The following TMEM273 variants were observed in gnomAD, a reference collection of about 807,000 sequenced individuals.
TMEM273 encodes the protein transmembrane protein 273, also known as chromosome 10 open reading frame 128.
TMEM273 carries 19 observed loss-of-function variants against 17.9 expected under a neutral mutation model. That is an observed-to-expected ratio of 1.06 (90% CI 0.74 to 1.55). The LOEUF (loss-of-function observed/expected upper bound fraction) is 1.55, where lower values mean the gene tolerates loss of function less well. TMEM273 is among the 40% of genes most tolerant of loss of function. TMEM273 has a pLI of 0.00. For synonymous variants in TMEM273, 66 were observed against 62.0 expected (o/e 1.07, Z -0.31); for missense variants, 194 against 155.6 (o/e 1.25, Z -1.31).
chr10:49,172,455 T>C (rs1291442831), intron 1 of TMEM273, among the ~76,000 whole-genome samples: 1 of 152,128 alleles, frequency 6.6e-6, no homozygotes. Flanking sequence ...CTTCCTCTCC[T>C]GACTAGCACC....
At chr10:49,184,952 C>A (rs868715248) in intron 1 of TMEM273, among the ~76,000 whole-genome samples, 1 of 152,328 alleles carries the variant, frequency 6.6e-6, no homozygotes, top group South Asian at 2.1e-4. Flanking sequence ...ATTATCAGAA[C>A]GGGTAGATAA....
chr10:49,161,296 A>G (rs894438894), intron 6 of TMEM273: 2 of 460,342 alleles, frequency 4.3e-6, no homozygotes, highest in Non-Finnish European at 7.8e-6. Flanking sequence ...ATTGGACACT[A>G]TCATAGGATA....
At chr10:49,187,345 C>T (rs959805168) in intron 1 of TMEM273, among the ~76,000 whole-genome samples, 42 of 152,208 alleles carry the variant, frequency 2.8e-4, no homozygotes, top group Admixed American at 2.7e-3. Context: ...TTAGTGCAGA[C>T]TTTAGATGGA....
Position 49,166,935 on chromosome 10 carries a change from T to C in TMEM273, c.172A>G (p.Met58Val), listed in dbSNP as rs200899952. 1.0e-4 allele frequency: 162 copies of C among 1,613,978 alleles called. No individual in the cohort carries two copies. Among genetic ancestry groups the C allele is most frequent in the South Asian group, 6.6e-5 (6 of 91,080 alleles). ...TCGTCAAATAAGTGCCTCCTGATCA[T>C]GCAGATCTTCAGGGCCAGGAAGCCA... is the stretch of plus-strand genomic sequence containing the variant. ...SAGFLALKIC[M>V]IRRHLFDDDS... The change falls in exon 3 of 7, where the codon ATG (methionine) becomes GTG (valine). Residue 58 changes from methionine to valine, a missense_variant. Transcript: ENST00000374153.
At chr10:49,156,135 A>G in intron 6 of TMEM273, 2 of 1,533,908 alleles carry the variant, frequency 1.3e-6, no homozygotes, top group South Asian at 1.2e-5. Context: ...TGCCAAACCC[A>G]AGGCAAACAA....
intron 1 of TMEM273, among the ~76,000 whole-genome samples, chr10:49,184,979 T>C (rs1041724384): frequency 2.0e-5 from 3 of 152,224 alleles, no homozygotes; most frequent in African/African-American, 4.8e-5. Context: ...GTGTTCAGTA[T>C]GCTATGGCGG....
At chr10:49,174,247 T>A (rs1357329033) in intron 1 of TMEM273, among the ~76,000 whole-genome samples, 1 of 152,224 alleles carries the variant, frequency 6.6e-6, no homozygotes, top group Non-Finnish European at 1.5e-5. Flanking sequence ...TGGCGGGCCC[T>A]GCCCCTGCCC....
At chr10:49,166,116 C>T (rs562772003) in intron 3 of TMEM273, among the ~76,000 whole-genome samples, 1 of 152,312 alleles carries the variant, frequency 6.6e-6, no homozygotes, top group African/African-American at 2.4e-5. Flanking sequence ...ATCATAATCA[C>T]GTCTTCCAGG....
chr10:49,156,353 C>G (rs1344746904), intron 6 of TMEM273: 9 of 1,137,928 alleles, frequency 7.9e-6, no homozygotes, highest in African/African-American at 1.6e-5. Flanking sequence ...GGTGAGACTT[C>G]TCTGTGCTTG....
At chr10:49,172,244 A>C (rs141944948) in intron 1 of TMEM273, among the ~76,000 whole-genome samples, 90 of 152,280 alleles carry the variant, frequency 5.9e-4, no homozygotes, top group African/African-American at 2.1e-3. Context: ...AGGGGGCCCC[A>C]GTGCCTAGGA....
At chr10:49,187,630 C>G (rs148149804) in intron 1 of TMEM273, among the ~76,000 whole-genome samples, 1,590 of 150,768 alleles carry the variant, frequency 0.011, 21 homozygotes, top group Admixed American at 0.019. Flanking sequence ...CTGTCTGTCT[C>G]TCTCTCTCTC....
chr10:49,178,279 C>A (rs919547650), intron 1 of TMEM273: 1 of 457,244 alleles, frequency 2.2e-6, no homozygotes, highest in East Asian at 7.0e-5. Context: ...TAGGATGGCA[C>A]GCCACCTGTC....
At chr10:49,163,229 T>C (rs1182983970) in intron 5 of TMEM273, among the ~76,000 whole-genome samples, 1 of 152,176 alleles carries the variant, frequency 6.6e-6, no homozygotes, top group Non-Finnish European at 1.5e-5. Context: ...GGCATGTTTC[T>C]TCTATAAAAA....
intron 5 of TMEM273, among the ~76,000 whole-genome samples, chr10:49,164,224 A>G (rs1846021892): frequency 6.6e-6 from 1 of 152,156 alleles, no homozygotes; most frequent in Admixed American, 6.5e-5. Flanking sequence ...AACTTCCCAA[A>G]GGGCACCTGC....
Position 49,185,024 on chromosome 10 carries a change from A to C in TMEM273, c.43+3270T>G, listed in dbSNP as rs145965252. ...GTTTTTAACAGCTGCAAAGTAACCC[A>C]GGAAGGAAGCACAGCCAACCCTGGG... On this transcript the variant is annotated intron_variant, in intron 1 of 6. Transcript: ENST00000374153. Among the ~76,000 whole-genome samples the C allele has an allele frequency of 9.8e-3, 1,494 of 152,286 alleles. 19 individuals are homozygous for C. Among genetic ancestry groups the C allele is most frequent in the African/African-American group, 0.028 (1,178 of 41,554 alleles).
intron 5 of TMEM273, 40 bp from the exon 6 acceptor site, chr10:49,161,662 T>C (rs771109672): frequency 1.2e-6 from 2 of 1,613,944 alleles, no homozygotes; most frequent in South Asian, 2.2e-5. Flanking sequence ...GCCTAAGCCT[T>C]AGAAGCCAGA....
rs1332564158 is a variant in TMEM273, at chr10:49,156,168, A to G, written c.373-259T>C. ...CAAAACTTCATCCACTTTGATGACA[A>G]AAAGAGAAGTCATTCCTCGAGGTTA... is the stretch of plus-strand genomic sequence containing the variant. On this transcript the variant is annotated intron_variant, in intron 6 of 6. Transcript: ENST00000374153. 8.6e-6 allele frequency: 13 copies of G among 1,513,188 alleles called. No homozygotes were observed. In the East Asian group the frequency reaches 3.2e-4, roughly 37 times the overall value. The allele number at this position is 1,513,188 out of a possible 1,614,324, so 93.7% of individuals were successfully genotyped here.
intron 6 of TMEM273, among the ~76,000 whole-genome samples, chr10:49,158,493 T>C (rs890834911): frequency 2.0e-5 from 3 of 152,086 alleles, no homozygotes; most frequent in South Asian, 2.1e-4. Context: ...GAAAAATAAA[T>C]ATGAAAGAAT....
chr10:49,185,494 A>T (rs1445273092), intron 1 of TMEM273, among the ~76,000 whole-genome samples: 7 of 152,030 alleles, frequency 4.6e-5, no homozygotes, highest in Admixed American at 4.6e-4. Flanking sequence ...GATTGCACTA[A>T]ACAGTGCTCT....
Sources: allele counts gnomAD v4.1 joint callset (sites outside exome capture counted in the v4.1 genomes callset), GRCh38; gene constraint gnomAD v4.1.1; transcripts MANE v1.5; gene names NCBI Gene and HGNC (gene_info 2026-07-23, HGNC 2026-07-21).